INSR: variants seen among roughly 807,000 people sequenced by gnomAD.
INSR encodes insulin receptor.
INSR carries 67 observed loss-of-function variants against 142.6 expected under a neutral mutation model. The ratio of observed to expected loss-of-function variants is 0.47; its 90% CI spans 0.39 to 0.58. INSR has a LOEUF of 0.58. INSR is among the 20% of genes least tolerant of loss of function. The pLI is 0.00. For synonymous variants in INSR, 756 were observed against 743.1 expected (o/e 1.02, Z -0.28); for missense variants, 1,248 against 1,833.2 (o/e 0.68, Z 5.83).
intron 4 of INSR, among the ~76,000 whole-genome samples, chr19:7,173,962 T>C (rs1441551616): frequency 8.6e-5 from 13 of 151,682 alleles, no homozygotes; most frequent in Admixed American, 2.6e-4. Flanking sequence ...AGTTCTGCAA[T>C]AGGGCATATT....
At chr19:7,182,566 T>C (rs908740505) in intron 3 of INSR, among the ~76,000 whole-genome samples, 1 of 152,114 alleles carries the variant, frequency 6.6e-6, no homozygotes, top group Non-Finnish European at 1.5e-5. Context: ...ATTAATTTTT[T>C]TAAACCTACG....
intron 2 of INSR, among the ~76,000 whole-genome samples, chr19:7,250,364 G>A (rs1976673672): frequency 6.9e-6 from 1 of 144,044 alleles, no homozygotes; most frequent in African/African-American, 2.6e-5. Flanking sequence ...AGGGAAAGAG[G>A]AAGGAGGAGG....
chr19:7,122,481 C>T (rs1972516643), intron 19 of INSR, 133 bp downstream of exon 19: 4 of 963,828 alleles, frequency 4.2e-6, no homozygotes, highest in Admixed American at 5.0e-5. Context: ...AAAAAAAACC[C>T]CACAAAAAAA....
At chr19:7,172,671 T>C (rs1024930496) in intron 4 of INSR, among the ~76,000 whole-genome samples, 3 of 152,128 alleles carry the variant, frequency 2.0e-5, no homozygotes, top group African/African-American at 7.2e-5. Context: ...TATTCCACCA[T>C]ATATCTCCTT....
At chr19:7,280,871 C>G (rs1968188338) in intron 1 of INSR, among the ~76,000 whole-genome samples, 1 of 151,980 alleles carries the variant, frequency 6.6e-6, no homozygotes. Flanking sequence ...GCACTCCAGC[C>G]TGGGTGACAG....
intron 13 of INSR, among the ~76,000 whole-genome samples, chr19:7,133,408 A>G (rs1972832954): frequency 6.6e-6 from 1 of 152,212 alleles, no homozygotes; most frequent in South Asian, 2.1e-4. Context: ...TGTTGTGAGA[A>G]CATTTAAAAT....
intron 2 of INSR, among the ~76,000 whole-genome samples, chr19:7,205,679 CCTGGGCAA>C (rs1429181192): frequency 6.6e-6 from 1 of 152,178 alleles, no homozygotes; most frequent in Admixed American, 6.5e-5. Context: ...TCAAGACCAG[CCTGGGCAA>C]CATGGCAAGA....
intron 13 of INSR, among the ~76,000 whole-genome samples, chr19:7,135,349 C>T (rs1972892282): frequency 9.9e-6 from 1 of 100,884 alleles, no homozygotes; most frequent in South Asian, 3.7e-4. Context: ...GAGTTTCGCT[C>T]TTGTCACCCA....
chr19:7,228,984 T>G (rs1298776753), intron 2 of INSR, among the ~76,000 whole-genome samples: 2 of 137,298 alleles, frequency 1.5e-5, no homozygotes, highest in Non-Finnish European at 3.2e-5. Flanking sequence ...GACAGAAGGA[T>G]GGATGGATGG....
rs1973996988 is a variant in INSR, at chr19:7,170,681, T to C, written c.1339A>G (p.Thr447Ala). The C allele has an allele frequency of 6.2e-7, 1 of 1,613,988 alleles. No individual in the cohort carries two copies. The change falls in exon 6 of 22, where the codon ACC becomes GCC. Residue 447 changes from threonine to alanine, a missense_variant. Thr to Ala is a moderately conservative substitution (Grantham distance 58). Around this residue, in one of 3 missense-constraint regions of INSR, gnomAD observed 1,069 missense variants for 1,654.0 expected, o/e 0.65. Transcript: ENST00000302850. Reference sequence around the variant, plus strand: ...AAGAAGAGTTTCCCCTGAGTGATGGTGAGGTTGTGTTTGCTCCAGTCCCAG... The same window carrying C: ...AAGAAGAGTTTCCCCTGAGTGATGGCGAGGTTGTGTTTGCTCCAGTCCCAG... Reference protein sequence around the residue: ...QLWDWSKHNLTITQGKLFFHY... With the variant: ...QLWDWSKHNLAITQGKLFFHY...
rs114621573 is a variant in INSR, at chr19:7,134,526, A to T, written c.2683-2209T>A. On this transcript the variant is annotated intron_variant, in intron 13 of 21. Transcript: ENST00000302850. ...TCATGCCTGTAATTCCAGCACTTTC[A>T]GGGGCCAAGGCGGGCAGATCACGAG... Among the ~76,000 whole-genome samples, 11 of 151,852 alleles carry T rather than the reference A, an allele frequency of 7.2e-5. No homozygotes were observed. The East Asian group carries it at 9.7e-4, about 13-fold the overall frequency.
rs1568423965 is a variant in INSR at position 7,117,070 on chromosome 19, A to AC, written c.4134dup (p.Ser1379ValfsTer25). On this transcript the variant is annotated frameshift_variant, in exon 22 of 22. Coordinates refer to ENST00000302850, the MANE Select transcript of INSR (RefSeq NM_000208.4). LOFTEE classifies it high-confidence loss of function. ...GGTAGGCACTGTTAGGAAGGATTGG[A>AC]CCGAGGCAAGGTCAGAATCCGCCCG... The AC allele has an allele frequency of 1.2e-6, 2 of 1,613,890 alleles. No individual in the cohort carries two copies. Among genetic ancestry groups the AC allele is most frequent in the Non-Finnish European group, 1.7e-6 (2 of 1,179,878 alleles).
chr19:7,276,208 C>A (rs902412053), intron 1 of INSR, among the ~76,000 whole-genome samples: 2 of 150,966 alleles, frequency 1.3e-5, no homozygotes, highest in Non-Finnish European at 2.9e-5. Flanking sequence ...TGCAGTGGTG[C>A]AATCATAGCT....
intron 3 of INSR, among the ~76,000 whole-genome samples, chr19:7,183,169 C>G (rs1974318972): frequency 6.6e-6 from 1 of 152,028 alleles, no homozygotes; most frequent in South Asian, 2.1e-4. Flanking sequence ...TTGGCTAATT[C>G]TCAAGTCTGA....
chr19:7,215,094 T>C (rs140288709), intron 2 of INSR, among the ~76,000 whole-genome samples: 11 of 152,152 alleles, frequency 7.2e-5, no homozygotes, highest in African/African-American at 2.4e-4. Flanking sequence ...TAGCTGGGGC[T>C]ACAGGCACAC....
chr19:7,219,562 A>T, intron 2 of INSR, among the ~76,000 whole-genome samples: 1 of 103,686 alleles, frequency 9.6e-6, no homozygotes. Flanking sequence ...AGGGGGAGAG[A>T]GAAGGAAGGA....
At chr19:7,257,979 C>A (rs12978472) in intron 2 of INSR, among the ~76,000 whole-genome samples, 1 of 152,150 alleles carries the variant, frequency 6.6e-6, no homozygotes, top group African/African-American at 2.4e-5. Context: ...CCCGCCACCA[C>A]GCTCAGCTAA....
chr19:7,157,029 G>A (rs1163561390), intron 9 of INSR, among the ~76,000 whole-genome samples: 8 of 152,056 alleles, frequency 5.3e-5, no homozygotes, highest in East Asian at 1.9e-4. Context: ...TGCCCAGGCC[G>A]GACTGCAGTG....
intron 2 of INSR, among the ~76,000 whole-genome samples, chr19:7,227,253 ATAATC>A (rs1975815821): frequency 1.3e-5 from 2 of 151,442 alleles, no homozygotes; most frequent in African/African-American, 4.8e-5. Context: ...TACCAGCTGA[ATAATC>A]AAGCAAACAT....
Sources: allele counts gnomAD v4.1 joint callset (sites outside exome capture counted in the v4.1 genomes callset), GRCh38; gene constraint gnomAD v4.1.1; regional missense constraint gnomAD v4.1.1; transcripts MANE v1.5; gene names NCBI Gene and HGNC (gene_info 2026-07-23, HGNC 2026-07-21).